Variants in ORC1 observed in about 807,000 individuals in gnomAD.
ORC1 encodes the protein origin recognition complex subunit 1, also known as origin recognition complex, subunit 1 homolog.
In ORC1, 61 loss-of-function variants were observed where a neutral mutation model predicts 98.9. The ratio of observed to expected loss-of-function variants is 0.62; its 90% CI spans 0.50 to 0.76. ORC1 has a LOEUF of 0.76. Among genes scored for constraint, ORC1 ranks in the 30% least tolerant of loss-of-function variants. ORC1 has a pLI of 0.00. For missense variants in ORC1, 979 were observed against 1,072.2 expected (o/e 0.91, Z 1.21); for synonymous variants, 385 against 406.9 (o/e 0.95, Z 0.65).
chr1:52,404,623 C>T, upstream of ORC1: 3 of 1,059,518 alleles, frequency 2.8e-6, no homozygotes, highest in Non-Finnish European at 4.1e-6. Context: ...TTTCCGGCTT[C>T]AAGATGGTCG....
chr1:52,390,668 A>T (rs1647196581), intron 6 of ORC1, among the ~76,000 whole-genome samples: 1 of 151,984 alleles, frequency 6.6e-6, no homozygotes, highest in African/African-American at 2.4e-5. Context: ...AGGTGGGTGG[A>T]TCACCTGAGG....
chr1:52,396,163 A>G lies in ORC1; in HGVS notation c.604T>C (p.Trp202Arg), dbSNP rs1208478639. The change falls in exon 5 of 17, where the codon TGG becomes CGG. Residue 202 changes from tryptophan to arginine, a missense_variant. Physicochemically the swap from Trp to Arg is moderately radical, Grantham distance 101 (BLOSUM62 -3). Transcript: ENST00000371568. ...TTGGCCACATGTTCTGCTGGGGTCC[A>G]AGAAGGGCTCTCTGCACTCTTACTC... The part of the protein sequence containing the change: ...AKSKSAESPS[W>R]TPAEHVAKRI... 1.9e-6 allele frequency: 3 copies of G among 1,614,036 alleles called. No homozygotes were observed. The highest frequency in any genetic ancestry group is 1.3e-5 in the African/African-American group (1 of 74,916).
chr1:52,386,018 TG>T, intron 8 of ORC1, 69 bp from the exon 9 acceptor site: 1 of 1,110,842 alleles, frequency 9.0e-7, no homozygotes, highest in Non-Finnish European at 1.4e-6. Context: ...CACCAGCAAA[TG>T]TGATTTGTGC....
At chr1:52,392,374 C>T (rs980353369) in intron 6 of ORC1, among the ~76,000 whole-genome samples, 3 of 152,002 alleles carry the variant, frequency 2.0e-5, no homozygotes, top group African/African-American at 4.8e-5. Context: ...GTGATCCGCC[C>T]GCCTCGGCCT....
chr1:52,404,629 G>A (rs914418976), upstream of ORC1: 2 of 1,103,810 alleles, frequency 1.8e-6, no homozygotes, highest in Non-Finnish European at 2.6e-6. Flanking sequence ...GCTTCAAGAT[G>A]GTCGCCTAAG....
At chr1:52,390,143 TG>T (rs757020439) in intron 6 of ORC1, among the ~76,000 whole-genome samples, 2 of 152,154 alleles carry the variant, frequency 1.3e-5, no homozygotes, top group Non-Finnish European at 2.9e-5. Flanking sequence ...ACATATTCAG[TG>T]CAATTCCCAT....
chr1:52,400,895 T>G (rs1310588473), intron 3 of ORC1, among the ~76,000 whole-genome samples: 1 of 152,214 alleles, frequency 6.6e-6, no homozygotes, highest in Non-Finnish European at 1.5e-5. Flanking sequence ...GTAAAATATC[T>G]TAAGTGTTTT....
At chr1:52,384,183 A>G (rs1471267010) in intron 11 of ORC1, among the ~76,000 whole-genome samples, 1 of 152,200 alleles carries the variant, frequency 6.6e-6, no homozygotes, top group Non-Finnish European at 1.5e-5. Context: ...CCTTAAAATC[A>G]CTATTACAGA....
At chr1:52,407,328 A>G (rs148568899), upstream of ORC1, among the ~76,000 whole-genome samples, 2 of 152,240 alleles carry the variant, frequency 1.3e-5, no homozygotes, top group African/African-American at 4.8e-5. Flanking sequence ...AACGACTCTA[A>G]TAAAGCATTA....
intron 1 of ORC1, among the ~76,000 whole-genome samples, 175 bp downstream of exon 1, chr1:52,404,071 T>G (rs1205683923): frequency 6.6e-6 from 1 of 152,008 alleles, no homozygotes; most frequent in East Asian, 1.9e-4. Flanking sequence ...GGAATCGGAG[T>G]GTGGAACAGA....
At position 52,396,464 on chromosome 1, in the gene ORC1, T is replaced by C; in HGVS notation, c.403-100A>G. 10 of 1,444,030 alleles carry C rather than the reference T, an allele frequency of 6.9e-6. No individual in the cohort carries two copies. The South Asian group carries it at 9.3e-5, about 13-fold the overall frequency. 89.5% of individuals were successfully genotyped at this position (1,444,030 alleles called of 1,614,324 possible). A position where few individuals can be genotyped will look rare whatever the true frequency, so the allele number is the denominator to read the frequency against. On this transcript the variant is annotated intron_variant, in intron 4 of 16. Transcript: ENST00000371568. ...AATTAAAAACATTGAAGTCCACATC[T>C]GTACCTAAAATGTTACCTTTCCAAT...
chr1:52,402,101 A>C, intron 2 of ORC1, 28 bp downstream of exon 2: 1 of 1,534,958 alleles, frequency 6.5e-7, no homozygotes, highest in Non-Finnish European at 9.0e-7. Context: ...CTGTATTTCC[A>C]GGACAACCAA....
chr1:52,395,038 T>C (rs1161126585), intron 5 of ORC1, among the ~76,000 whole-genome samples: 1 of 152,218 alleles, frequency 6.6e-6, no homozygotes, highest in African/African-American at 2.4e-5. Flanking sequence ...ATTCAGCTCC[T>C]AAAACACATA....
chr1:52,404,887 G>T (rs772198080), upstream of ORC1: 22 of 1,613,204 alleles, frequency 1.4e-5, no homozygotes, highest in Non-Finnish European at 1.9e-5. Context: ...CAGGTAAGTG[G>T]AAGCGCGCGG....
rs761928972 is a variant in ORC1 at position 52,374,910 on chromosome 1, G to A, written c.2304-13C>T. ...AACAGAGGAATTTCTTAAAGGAAAC[G>A]AGGGGATGTGAGTTTTTGTCAGTGG... On this transcript the variant is annotated splice_polypyrimidine_tract_variant and intron_variant, in intron 15 of 16. Coordinates refer to ENST00000371568, the MANE Select transcript of ORC1 (RefSeq NM_004153.4). 16 of 1,573,892 alleles carry A rather than the reference G, an allele frequency of 1.0e-5. No homozygotes were observed. The highest frequency in any genetic ancestry group is 5.4e-5 in the African/African-American group (4 of 74,092).
intron 14 of ORC1, among the ~76,000 whole-genome samples, chr1:52,380,402 T>C (rs1395234941): frequency 3.9e-5 from 6 of 152,070 alleles, no homozygotes; most frequent in Non-Finnish European, 5.9e-5. Flanking sequence ...TTCAAATAAA[T>C]AGGATGGCAT....
At chr1:52,383,342 C>T in intron 13 of ORC1, 78 bp downstream of exon 13, 2 of 1,574,980 alleles carry the variant, frequency 1.3e-6, no homozygotes, top group South Asian at 2.2e-5. Context: ...AGCCACCACA[C>T]CTGGACCATT....
chr1:52,408,229 G>A (rs143122620), upstream of ORC1: 2,264 of 383,338 alleles, frequency 5.9e-3, 39 homozygotes, highest in African/African-American at 0.043. Flanking sequence ...AACAGAGCAA[G>A]ACTCTGCCTT....
In ORC1 at chr1:52,373,129, C is replaced by T. The variant is rs1277942736; in HGVS notation, c.*52G>A. 9.5e-6 allele frequency: 15 copies of T among 1,580,088 alleles called. No homozygotes were observed. The highest frequency in any genetic ancestry group is 1.7e-5 in the Admixed American group (1 of 59,952). Reference sequence around the variant, plus strand: ...CCTGGGCGACAGAGCAAGACCCTGTCTCAAAAAACAAAACCCAGCAAGACC... The same window carrying T: ...CCTGGGCGACAGAGCAAGACCCTGTTTCAAAAAACAAAACCCAGCAAGACC... On this transcript the variant is annotated 3_prime_UTR_variant, in exon 17 of 17. Transcript: ENST00000371568.
Sources: allele counts gnomAD v4.1 joint callset (sites outside exome capture counted in the v4.1 genomes callset), GRCh38; gene constraint gnomAD v4.1.1; transcripts MANE v1.5; gene names NCBI Gene and HGNC (gene_info 2026-07-23, HGNC 2026-07-21).